Variants in CENPU observed in about 807,000 individuals in gnomAD.
CENPU encodes centromere protein U.
In CENPU, 46 loss-of-function variants were observed where a neutral mutation model predicts 56.7. The ratio of observed to expected loss-of-function variants is 0.81; its 90% confidence interval spans 0.64 to 1.04. The LOEUF is 1.04. CENPU is among the 50% of genes least tolerant of loss of function. The probability of loss-of-function intolerance (pLI) is 0.00; values close to 1 mark genes in which losing one functional copy is unlikely to be tolerated. For synonymous variants in CENPU, 166 were observed against 163.0 expected (o/e 1.02, Z -0.14); for missense variants, 510 against 490.1 (o/e 1.04, Z -0.38).
intron 9 of CENPU, 90 bp from the exon 10 acceptor site, chr4:184,702,226 T>A: frequency 4.8e-6 from 6 of 1,257,106 alleles, no homozygotes; most frequent in Non-Finnish European, 6.9e-6. Flanking sequence ...TTAAAAACAG[T>A]TATGTGGAAT....
At chr4:184,710,209 G>A (rs373366177) in intron 7 of CENPU, 29 bp from the exon 8 acceptor site, 3 of 1,471,838 alleles carry the variant, frequency 2.0e-6, no homozygotes, top group Non-Finnish European at 1.9e-6. Flanking sequence ...TTAACATGCT[G>A]GTTATTCATA....
intron 1 of CENPU, chr4:184,733,493 G>T: frequency 2.3e-6 from 2 of 853,720 alleles, no homozygotes; most frequent in African/African-American, 1.8e-5. Context: ...CCAAACGCTC[G>T]CTTTCTTTGG....
chr4:184,720,331 G>A (rs935618887), intron 4 of CENPU, among the ~76,000 whole-genome samples: 1 of 151,908 alleles, frequency 6.6e-6, no homozygotes, highest in Non-Finnish European at 1.5e-5. Flanking sequence ...TGAAAATACA[G>A]TCAGAGGAAA....
rs1281229420 is a variant in CENPU, at chr4:184,721,476, AAAG to A, written c.320+3478_320+3480del. 6.9e-3 allele frequency among the ~76,000 whole-genome samples: 1,039 copies of A among 150,330 alleles called. 36 individuals are homozygous for A. The highest frequency in any genetic ancestry group is 0.023 in the African/African-American group (953 of 41,048). On this transcript the variant is annotated intron_variant, in intron 4 of 12. Coordinates refer to ENST00000281453, the MANE Select transcript of CENPU (RefSeq NM_024629.4). ...TGATTGTAAAAAAAAAAAAAAAAAA[AAAG>A]GACCCAATGATTTGTTGCCTACAAG...
intron 4 of CENPU, among the ~76,000 whole-genome samples, chr4:184,718,993 C>T (rs919598263): frequency 2.6e-5 from 4 of 151,958 alleles, no homozygotes; most frequent in Non-Finnish European, 4.4e-5. Flanking sequence ...AAACCATGAG[C>T]GTGAACTGGG....
chr4:184,705,333 TAC>T (rs1760688715), intron 8 of CENPU, among the ~76,000 whole-genome samples: 1 of 152,190 alleles, frequency 6.6e-6, no homozygotes, highest in Admixed American at 6.5e-5. Flanking sequence ...TTGCACACGA[TAC>T]AGTTTCATTT....
chr4:184,697,752 CTCTT>C lies in CENPU; in HGVS notation c.1034_1037del (p.Lys345ArgfsTer16), dbSNP rs779256518. Reference sequence around the variant, plus strand: ...CTGCATTCCTAAGGGAAGACTTTCTCTCTTTAAGTTCATCATATTTTGTTTGTAG... The same window carrying C: ...CTGCATTCCTAAGGGAAGACTTTCTCTAAGTTCATCATATTTTGTTTGTAG... On this transcript the variant is annotated frameshift_variant, in exon 12 of 13. Transcript: ENST00000281453. LOFTEE classifies it high-confidence loss of function. 21 of 1,612,146 alleles carry C rather than the reference CTCTT, an allele frequency of 1.3e-5. No individual in the cohort carries two copies. The highest frequency in any genetic ancestry group is 5.3e-5 in the African/African-American group (4 of 74,872).
intron 3 of CENPU, among the ~76,000 whole-genome samples, chr4:184,727,985 AG>A (rs1761516331): frequency 6.6e-6 from 1 of 152,182 alleles, no homozygotes; most frequent in Non-Finnish European, 1.5e-5. Context: ...GCTTGAAGGA[AG>A]GGGGAAGAGG....
chr4:184,696,025 AAGTC>A (rs147061974), intron 12 of CENPU, among the ~76,000 whole-genome samples: 1,896 of 152,314 alleles, frequency 0.012, 14 homozygotes, highest in Non-Finnish European at 0.02. Flanking sequence ...ATAATTAACA[AAGTC>A]AAACTTCCAG....
intron 9 of CENPU, 88 bp from the exon 10 acceptor site, chr4:184,702,224 A>T: frequency 7.9e-7 from 1 of 1,268,696 alleles, no homozygotes. Flanking sequence ...GTTTAAAAAC[A>T]GTTATGTGGA....
At chr4:184,728,815 G>A (rs1363213111) in intron 3 of CENPU, 103 bp downstream of exon 3, 4 of 810,404 alleles carry the variant, frequency 4.9e-6, no homozygotes, top group African/African-American at 1.8e-5. Flanking sequence ...TTTACATGCA[G>A]GCAACTAATT....
At chr4:184,709,388 G>A (rs527551480) in intron 8 of CENPU, among the ~76,000 whole-genome samples, 128 of 152,010 alleles carry the variant, frequency 8.4e-4, no homozygotes, top group Non-Finnish European at 1.5e-3. Context: ...TTGGGAGGCT[G>A]AGGCAGGAGA....
chr4:184,699,893 G>A (rs1290876402), intron 11 of CENPU, among the ~76,000 whole-genome samples: 2 of 152,196 alleles, frequency 1.3e-5, no homozygotes, highest in Non-Finnish European at 2.9e-5. Flanking sequence ...CTGACCTCAA[G>A]TGATCTGCCC....
Position 184,702,410 on chromosome 4 carries a change from C to A in CENPU, c.829G>T (p.Ala277Ser), listed in dbSNP as rs537896899. 3.3e-4 allele frequency: 538 copies of A among 1,611,946 alleles called. 5 individuals are homozygous for A. In the South Asian group the frequency reaches 5.7e-3, roughly 17 times the overall value. Residue 277 changes from alanine (A) to serine (S), a missense_variant, in exon 9 of 13, where the codon GCC becomes TCC. Physicochemically the swap from Ala to Ser is moderately conservative, Grantham distance 99. Transcript: ENST00000281453. The stretch of plus-strand genomic sequence containing the variant: ...ACATTAACATAAAATGTGGCGATGG[C>A]TGCCTTACAAACTTTAGATTCTATT... ...QRIESKVCKAAIATFYVNVKE... is the reference protein window; with the variant it reads ...QRIESKVCKASIATFYVNVKE...
chr4:184,731,047 G>A (rs7675046), intron 1 of CENPU, 79 bp from the exon 2 acceptor site: 835,407 of 1,003,970 alleles, frequency 0.83, 350,747 homozygotes, highest in East Asian at 1. Context: ...GACCCTTTCC[G>A]CGCATTTTTA....
intron 11 of CENPU, 49 bp from the exon 12 acceptor site, chr4:184,697,852 G>C: frequency 6.8e-7 from 1 of 1,465,662 alleles, no homozygotes; most frequent in Non-Finnish European, 9.2e-7. Flanking sequence ...GCCTATCGTG[G>C]TGAAACTGAG....
chr4:184,697,609 A>G, intron 12 of CENPU, 38 bp downstream of exon 12: 1 of 1,601,392 alleles, frequency 6.2e-7, no homozygotes. Context: ...TCCCACAATC[A>G]TCTTCTGAAG....
chr4:184,709,209 C>T (rs1051431810), intron 8 of CENPU, among the ~76,000 whole-genome samples: 3 of 152,064 alleles, frequency 2.0e-5, no homozygotes, highest in African/African-American at 7.2e-5. Flanking sequence ...TAAAATCTGG[C>T]CGGGTGCAGT....
At chr4:184,704,582 T>C (rs1274781457) in intron 8 of CENPU, among the ~76,000 whole-genome samples, 2 of 144,710 alleles carry the variant, frequency 1.4e-5, no homozygotes, top group African/African-American at 2.7e-5. Flanking sequence ...TGAATGTGTA[T>C]ACATGACTGA....
Sources: gnomAD v4.1 joint callset for allele counts (sites outside exome capture counted in the v4.1 genomes callset) on GRCh38, gnomAD v4.1.1 for gene constraint, MANE v1.5 for transcripts, NCBI Gene and HGNC (gene_info 2026-07-23, HGNC 2026-07-21) for gene names.